SBNO2: variants seen among roughly 807,000 people sequenced by gnomAD.
SBNO2 encodes the protein protein strawberry notch homolog 2.
In SBNO2, 89 loss-of-function variants were observed where a neutral mutation model predicts 146.3. The ratio of observed to expected loss-of-function variants is 0.61; its 90% confidence interval spans 0.51 to 0.73. The LOEUF (loss-of-function observed/expected upper bound fraction) is 0.73. Ranked by LOEUF, SBNO2 falls within the 30% of genes least tolerant of loss-of-function variation. SBNO2 has a pLI of 0.00. For synonymous variants in SBNO2, 1,147 were observed against 892.6 expected (o/e 1.29, Z -5.08); for missense variants, 2,092 against 2,003.7 (o/e 1.04, Z -0.84).
At position 1,110,536 on chromosome 19, in the gene SBNO2, G is replaced by C. The variant is rs2302108; in HGVS notation, c.3028+209C>G. Among the ~76,000 whole-genome samples, 1 of 148,310 alleles carries C rather than the reference G, an allele frequency of 6.7e-6. No homozygotes were observed. The highest frequency in any genetic ancestry group is 1.5e-5 in the Non-Finnish European group (1 of 67,086). ...CTCGCCGTGCTCACCCACAATGCAC[G>C]GTGTTCCCACGAGCCCCGAGCCCAC... On this transcript the variant is annotated intron_variant, in intron 26 of 31. Coordinates refer to ENST00000361757, the MANE Select transcript of SBNO2 (RefSeq NM_014963.3). This position sits in a 1 kb window ranked among gnomAD's most constrained non-coding sequence, Gnocchi z 4.9.
intron 4 of SBNO2, among the ~76,000 whole-genome samples, chr19:1,138,360 G>C (rs1345282766): frequency 6.6e-6 from 1 of 151,782 alleles, no homozygotes; most frequent in East Asian, 1.9e-4. Context: ...TCTGGGCACA[G>C]AGGGTGGGCT....
At chr19:1,138,871 A>C (rs1266486470) in intron 4 of SBNO2, among the ~76,000 whole-genome samples, 1 of 149,732 alleles carries the variant, frequency 6.7e-6, no homozygotes, top group Non-Finnish European at 1.5e-5. Flanking sequence ...GGGGCCCTCC[A>C]TGCGTCCATC....
chr19:1,128,361 C>T (rs1165958508), intron 4 of SBNO2: 14 of 343,588 alleles, frequency 4.1e-5, no homozygotes, highest in South Asian at 2.1e-4. Context: ...CACACACACG[C>T]GCTGCCCAGT....
intron 2 of SBNO2, among the ~76,000 whole-genome samples, chr19:1,152,018 G>C (rs1052342227): frequency 6.6e-6 from 1 of 152,006 alleles, no homozygotes; most frequent in Non-Finnish European, 1.5e-5. Context: ...TGGGCTGTGC[G>C]TGTGCGAACT....
At chr19:1,161,989 A>G (rs1484227973) in intron 1 of SBNO2, among the ~76,000 whole-genome samples, 3 of 138,058 alleles carry the variant, frequency 2.2e-5, no homozygotes, top group Non-Finnish European at 4.6e-5. Flanking sequence ...AGACAGACGG[A>G]CGTCCTGGCC....
Position 1,112,246 on chromosome 19 carries a change from C to G in SBNO2, c.2571G>C (p.Ser857=), listed in dbSNP as rs560907813. 1.9e-6 allele frequency: 3 copies of G among 1,592,718 alleles called. No individual in the cohort carries two copies. The highest frequency in any genetic ancestry group is 2.6e-6 in the Non-Finnish European group (3 of 1,170,242). The change falls in exon 22 of 32, where the codon TCG becomes TCC. Residue 857 remains serine, a synonymous_variant. Coordinates refer to ENST00000361757, the MANE Select transcript of SBNO2 (RefSeq NM_014963.3). This position sits in a 1 kb window ranked among gnomAD's most constrained non-coding sequence, Gnocchi z 5.9. Reference sequence around the variant, plus strand: ...CGAACCGGCGCTCCCCGGCCAGCTCCGAGATGAGGAAGACATACTCTGGCG... The same window carrying G: ...CGAACCGGCGCTCCCCGGCCAGCTCGGAGATGAGGAAGACATACTCTGGCG... ...VSAPEYVFLI[S]ELAGERRFAS...
In SBNO2 at chr19:1,126,528, A is replaced by G. The variant is rs1240072047; in HGVS notation, c.441+1076T>C. Among the ~76,000 whole-genome samples, 1 of 152,016 alleles carries G rather than the reference A, an allele frequency of 6.6e-6. No individual in the cohort carries two copies. The highest frequency in any genetic ancestry group is 1.5e-5 in the Non-Finnish European group (1 of 67,964). ...CAGAGGGACCAAGCCTGAGCCGCCC[A>G]CCATGGCTGCGGGGTGCCCTGATGC... On this transcript the variant is annotated intron_variant, in intron 5 of 31. Transcript: ENST00000361757. This position sits in a 1 kb window ranked among gnomAD's most constrained non-coding sequence, Gnocchi z 4.4.
At chr19:1,163,111 C>A (rs1421052835) in intron 1 of SBNO2, among the ~76,000 whole-genome samples, 1 of 152,212 alleles carries the variant, frequency 6.6e-6, no homozygotes, top group Non-Finnish European at 1.5e-5. Flanking sequence ...GGGGTGACTA[C>A]AGTCCCTCCA....
intron 4 of SBNO2, among the ~76,000 whole-genome samples, chr19:1,130,355 C>T (rs891650320): frequency 6.6e-6 from 1 of 152,170 alleles, no homozygotes; most frequent in South Asian, 2.1e-4. Context: ...AAAGTCAAGT[C>T]GGGCAGGGGG....
At chr19:1,127,074 C>T (rs1474116347) in intron 5 of SBNO2, among the ~76,000 whole-genome samples, 1 of 152,176 alleles carries the variant, frequency 6.6e-6, no homozygotes, top group Non-Finnish European at 1.5e-5. Flanking sequence ...GCCCTCTCAG[C>T]TCCCCACTAG....
rs760506590 is a variant in SBNO2, at chr19:1,132,169, G to A, written c.280-4404C>T. On this transcript the variant is annotated intron_variant, in intron 4 of 31. Coordinates refer to ENST00000361757, the MANE Select transcript of SBNO2 (RefSeq NM_014963.3). ...GCTCGGGGGGCCAGGGGTCCCCCAGGAAGCGCTGCCCGGGAGCGGCTCCCT... is the reference window on the plus strand; with the variant it reads ...GCTCGGGGGGCCAGGGGTCCCCCAGAAAGCGCTGCCCGGGAGCGGCTCCCT... 12 of 1,445,884 alleles carry A rather than the reference G, an allele frequency of 8.3e-6. No individual in the cohort carries two copies. In the South Asian group the frequency reaches 1.7e-4, roughly 20 times the overall value. The allele number at this position is 1,445,884 out of a possible 1,614,324, so 89.6% of individuals were successfully genotyped here. A position where few individuals can be genotyped will look rare whatever the true frequency, so the allele number is the denominator to read the frequency against.
intron 3 of SBNO2, among the ~76,000 whole-genome samples, chr19:1,147,857 C>T (rs751606897): frequency 1.3e-5 from 2 of 152,162 alleles, no homozygotes; most frequent in Non-Finnish European, 2.9e-5. Context: ...CCAGGATCAC[C>T]GTCCTCCAGG....
chr19:1,108,913 A>G lies in SBNO2; in HGVS notation c.3482T>C (p.Leu1161Pro). 1.3e-6 allele frequency: 2 copies of G among 1,578,062 alleles called. No homozygotes were observed. Among genetic ancestry groups the G allele is most frequent in the East Asian group, 2.3e-5 (1 of 43,428 alleles). Reference protein sequence around the residue: ...EGKDCLQGLRLRHHYMLCGAL... With the variant: ...EGKDCLQGLRPRHHYMLCGAL... ...GCCGCACAGCATGTAGTGGTGCCGCAGCCGCAGCCCCTGCAGGCAGTCCTT... is the reference window on the plus strand; with the variant it reads ...GCCGCACAGCATGTAGTGGTGCCGCGGCCGCAGCCCCTGCAGGCAGTCCTT... Residue 1161 changes from leucine (L) to proline (P), a missense_variant, in exon 31 of 32, where the codon CTG becomes CCG. Coordinates refer to ENST00000361757, the MANE Select transcript of SBNO2 (RefSeq NM_014963.3).
chr19:1,147,836 C>T (rs959695137), intron 3 of SBNO2, among the ~76,000 whole-genome samples: 10 of 152,104 alleles, frequency 6.6e-5, no homozygotes, highest in African/African-American at 1.9e-4. Context: ...GAGAGCGCTA[C>T]GGGCAGAAAC....
chr19:1,130,312 C>T (rs748580678), intron 4 of SBNO2, among the ~76,000 whole-genome samples: 5 of 152,124 alleles, frequency 3.3e-5, no homozygotes, highest in Non-Finnish European at 1.5e-5. Context: ...GTCCCTGCAG[C>T]TTTTCTGTCA....
intron 4 of SBNO2, among the ~76,000 whole-genome samples, chr19:1,137,016 G>A (rs560296283): frequency 7.9e-5 from 12 of 151,110 alleles, no homozygotes; most frequent in Admixed American, 4.0e-4. Context: ...GGTGCCGAGA[G>A]CCCCAGGAGC....
intron 4 of SBNO2, among the ~76,000 whole-genome samples, chr19:1,133,221 C>T (rs1238653092): frequency 1.3e-5 from 2 of 150,856 alleles, no homozygotes; most frequent in Non-Finnish European, 2.9e-5. Flanking sequence ...GCATTGCCCA[C>T]GAGACCGCGG....
chr19:1,122,600 G>A (rs758336056), intron 9 of SBNO2, 42 bp from the exon 10 acceptor site: 618 of 484,622 alleles, frequency 1.3e-3, no homozygotes, highest in Non-Finnish European at 1.5e-3. Context: ...CTTCCCCCTC[G>A]CCCCCCGCTT....
rs1001933495 is a variant in SBNO2 at position 1,140,803 on chromosome 19, G to A, written c.279+6506C>T. Among the ~76,000 whole-genome samples the A allele has an allele frequency of 2.9e-4, 44 of 152,064 alleles. No homozygotes were observed. Among genetic ancestry groups the A allele is most frequent in the Admixed American group, 2.7e-3 (41 of 15,288 alleles). On this transcript the variant is annotated intron_variant, in intron 4 of 31. Transcript: ENST00000361757. The surrounding 1 kb of genome is among the most constrained non-coding windows in gnomAD (Gnocchi z 4.4). ...TGCTCAGCCTTGGGTCTTCCCCCAG[G>A]CTGAGAGAAACAGGAAATGGATGGT...
Sources: allele counts gnomAD v4.1 joint callset (sites outside exome capture counted in the v4.1 genomes callset), GRCh38; gene constraint gnomAD v4.1.1; non-coding constraint Gnocchi (gnomAD v3.1); transcripts MANE v1.5; gene names NCBI Gene and HGNC (gene_info 2026-07-23, HGNC 2026-07-21).